Variants in MALRD1 observed in about 807,000 individuals in gnomAD.
MALRD1 encodes the protein MAM and LDL receptor class A domain containing 1.
MALRD1 carries 247 observed loss-of-function variants against 242.1 expected under a neutral mutation model. The observed-to-expected ratio is 1.02, with a 90% CI of 0.92 to 1.13. The LOEUF is 1.13. MALRD1 is among the 50% of genes most tolerant of loss of function. The pLI is 0.00. For synonymous variants in MALRD1, 995 were observed against 866.6 expected, an observed-to-expected ratio of 1.15 and a Z score of -2.60; for missense variants, 2,989 against 2,533.1, an observed-to-expected ratio of 1.18 and a Z score of -3.86.
chr10:19,721,470 T>C (rs1834747812), intron 38 of MALRD1: 1 of 152,066 alleles, frequency 6.6e-6, no homozygotes, highest in African/African-American at 2.4e-5. Context: ...ACCAGTGAAA[T>C]GATTGTCTTT....
intron 4 of MALRD1, among the ~76,000 whole-genome samples, chr10:19,095,599 C>T (rs1263576916): frequency 2.0e-5 from 3 of 152,070 alleles, no homozygotes; most frequent in Admixed American, 1.3e-4. Context: ...AGGTTCCCTA[C>T]ACCATGTTAA....
At chr10:19,443,890 C>T (rs1327977941) in intron 28 of MALRD1, among the ~76,000 whole-genome samples, 1 of 152,158 alleles carries the variant, frequency 6.6e-6, no homozygotes, top group Non-Finnish European at 1.5e-5. Flanking sequence ...AACTTTCTGT[C>T]TCGTGGATCT....
chr10:19,729,475 A>G (rs1159258532), intron 38 of MALRD1, among the ~76,000 whole-genome samples: 1 of 151,878 alleles, frequency 6.6e-6, no homozygotes, highest in Non-Finnish European at 1.5e-5. Flanking sequence ...TCTTAAAACA[A>G]TCATCCTGGA....
chr10:19,223,343 C>A (rs1452741341), intron 18 of MALRD1, among the ~76,000 whole-genome samples: 3 of 151,974 alleles, frequency 2.0e-5, no homozygotes, highest in African/African-American at 7.3e-5. Context: ...AGCATTGTTG[C>A]CTTTTTCCAA....
At chr10:19,404,336 G>A (rs567978475) in intron 28 of MALRD1, among the ~76,000 whole-genome samples, 7 of 151,986 alleles carry the variant, frequency 4.6e-5, no homozygotes, top group South Asian at 2.1e-4. Flanking sequence ...AGATATCTCC[G>A]TACTTAAAAT....
chr10:19,272,080 CTATT>C, intron 19 of MALRD1, among the ~76,000 whole-genome samples: 1 of 151,852 alleles, frequency 6.6e-6, no homozygotes, highest in Middle Eastern at 3.4e-3. Flanking sequence ...TCAAAACTGG[CTATT>C]TATATAAATT....
intron 36 of MALRD1, among the ~76,000 whole-genome samples, chr10:19,661,674 A>G (rs955687357): frequency 1.3e-5 from 2 of 152,108 alleles, no homozygotes; most frequent in African/African-American, 4.8e-5. Context: ...TAGGAGATAC[A>G]CCTAATGTTA....
chr10:19,053,890 A>T (rs1300904542), intron 1 of MALRD1, among the ~76,000 whole-genome samples: 1 of 152,076 alleles, frequency 6.6e-6, no homozygotes, highest in African/African-American at 2.4e-5. Flanking sequence ...ATTTTTACTC[A>T]GTATTGTTTT....
chr10:19,462,321 T>C (rs1365209333), intron 29 of MALRD1, among the ~76,000 whole-genome samples: 1 of 152,188 alleles, frequency 6.6e-6, no homozygotes, highest in African/African-American at 2.4e-5. Flanking sequence ...TACCAGAGAC[T>C]AGGAAGAGCC....
intron 29 of MALRD1, among the ~76,000 whole-genome samples, chr10:19,473,295 T>C (rs997843): frequency 6.6e-6 from 1 of 151,042 alleles, no homozygotes. Context: ...AGGTAATTTT[T>C]AAAAAAGTAT....
intron 31 of MALRD1, among the ~76,000 whole-genome samples, chr10:19,530,339 T>TA (rs1564416832): frequency 7.6e-6 from 1 of 132,334 alleles, no homozygotes; most frequent in Non-Finnish European, 1.6e-5. Context: ...ATATATAATA[T>TA]TTATATAAAT....
At chr10:19,706,137 G>A (rs1429610823) in intron 38 of MALRD1, among the ~76,000 whole-genome samples, 1 of 152,142 alleles carries the variant, frequency 6.6e-6, no homozygotes, top group African/African-American at 2.4e-5. Context: ...ATCTGGTAGA[G>A]ATGCGGAAAG....
chr10:19,343,512 C>T (rs561976903), intron 24 of MALRD1, among the ~76,000 whole-genome samples: 80 of 152,242 alleles, frequency 5.3e-4, no homozygotes, highest in African/African-American at 1.8e-3. Flanking sequence ...CCCATCATCC[C>T]TAACCTCAGG....
chr10:19,292,914 AATG>A (rs1841519025), intron 21 of MALRD1, among the ~76,000 whole-genome samples: 1 of 151,136 alleles, frequency 6.6e-6, no homozygotes, highest in Non-Finnish European at 1.5e-5. Context: ...AAAAAAAAAA[AATG>A]CAAACTATGT....
chr10:19,535,502 TATATACACATATATAC>T (rs1312551289), intron 32 of MALRD1, among the ~76,000 whole-genome samples: 1 of 149,914 alleles, frequency 6.7e-6, no homozygotes, highest in African/African-American at 2.4e-5. Context: ...TATACACATA[TATATACACATATATAC>T]ATGTGTATAT....
At chr10:19,650,905 C>T (rs1008168634) in intron 36 of MALRD1, among the ~76,000 whole-genome samples, 2 of 152,146 alleles carry the variant, frequency 1.3e-5, no homozygotes, top group African/African-American at 4.8e-5. Context: ...TTTGGCCTGA[C>T]AGTCAATCCT....
At chr10:19,215,707 A>G (rs1157518226) in intron 18 of MALRD1, among the ~76,000 whole-genome samples, 3 of 151,772 alleles carry the variant, frequency 2.0e-5, no homozygotes, top group Non-Finnish European at 4.4e-5. Context: ...TCCTGTGCAG[A>G]CGTGCTATAA....
At chr10:19,244,232 C>T (rs1395877881) in intron 18 of MALRD1, among the ~76,000 whole-genome samples, 2 of 152,128 alleles carry the variant, frequency 1.3e-5, no homozygotes, top group Non-Finnish European at 2.9e-5. Context: ...CCTTAGGCTT[C>T]TTATCTTTCC....
chr10:19,049,472 T>C (rs1224186897), intron 1 of MALRD1, among the ~76,000 whole-genome samples: 3 of 152,242 alleles, frequency 2.0e-5, no homozygotes, highest in African/African-American at 4.8e-5. Context: ...TGTAAAATGC[T>C]ATGATGGAGA....
Sources: gnomAD v4.1 joint callset for allele counts (sites outside exome capture counted in the v4.1 genomes callset) on GRCh38, gnomAD v4.1.1 for gene constraint, MANE v1.5 for transcripts, NCBI Gene and HGNC (gene_info 2026-07-23, HGNC 2026-07-21) for gene names.